Variants in FRMD5 observed in about 807,000 individuals in gnomAD.
FRMD5 encodes the protein FERM domain containing 5.
In FRMD5, 20 loss-of-function variants were observed where a neutral mutation model predicts 69.0. The ratio of observed to expected loss-of-function variants is 0.29; its 90% CI spans 0.20 to 0.42. The LOEUF (loss-of-function observed/expected upper bound fraction) is 0.42. Among genes scored for constraint, FRMD5 ranks in the 10% least tolerant of loss-of-function variants. The pLI is 1.00. For missense variants in FRMD5, 595 were observed against 708.6 expected, an observed-to-expected ratio of 0.84 and a Z score of 1.82; for synonymous variants, 271 against 260.1, an observed-to-expected ratio of 1.04 and a Z score of -0.40.
At chr15:44,194,790 G>A (rs1188271489) in intron 1 of FRMD5, 163 bp downstream of exon 1, 2 of 713,254 alleles carry the variant, frequency 2.8e-6, no homozygotes, top group South Asian at 3.0e-5. Flanking sequence ...CAGGGGCTCC[G>A]GTGAAGACGC....
intron 1 of FRMD5, among the ~76,000 whole-genome samples, chr15:44,003,238 C>G (rs1375013314): frequency 2.6e-5 from 4 of 152,226 alleles, no homozygotes. Context: ...ACCTCCACCA[C>G]TATCAATCAC....
At chr15:44,027,660 T>G (rs1891494622) in intron 1 of FRMD5, among the ~76,000 whole-genome samples, 1 of 120,036 alleles carries the variant, frequency 8.3e-6, no homozygotes, top group Non-Finnish European at 1.8e-5. Context: ...TGTTTTTTTT[T>G]TTTTTTCCGA....
chr15:44,081,232 CTAGT>C (rs1168565313), intron 1 of FRMD5, among the ~76,000 whole-genome samples: 1 of 152,064 alleles, frequency 6.6e-6, no homozygotes, highest in East Asian at 1.9e-4. Flanking sequence ...CCTTGATGCC[CTAGT>C]TAATTAAGTT....
At chr15:44,036,782 G>A (rs947066152) in intron 1 of FRMD5, among the ~76,000 whole-genome samples, 5 of 151,778 alleles carry the variant, frequency 3.3e-5, no homozygotes, top group South Asian at 4.2e-4. Context: ...TTTGTGCATC[G>A]GCCTTCAGTA....
At position 44,129,825 on chromosome 15, in the gene FRMD5, T is replaced by C. The variant is rs367943654; in HGVS notation, c.102+65128A>G. Among the ~76,000 whole-genome samples, 131 of 152,290 alleles carry C rather than the reference T, an allele frequency of 8.6e-4. 1 individual carries two copies. The highest frequency in any genetic ancestry group is 3.0e-3 in the African/African-American group (125 of 41,552). ...CCAACAGAAAAGTCATTCTAGATGC[T>C]TTCACTTGCAGCAGTTCCTCAGGTT... On this transcript the variant is annotated intron_variant, in intron 1 of 13. Transcript: ENST00000417257.
At chr15:44,122,949 A>G (rs1174747911) in intron 1 of FRMD5, among the ~76,000 whole-genome samples, 2 of 152,160 alleles carry the variant, frequency 1.3e-5, no homozygotes, top group South Asian at 2.1e-4. Flanking sequence ...TTCAATACCA[A>G]TTAAAAGCCT....
rs926539071 is a variant in FRMD5, at chr15:43,870,851, A to G, written c.*3034T>C. 2.0e-5 allele frequency: 3 copies of G among 152,248 alleles called. No individual in the cohort carries two copies. The highest frequency in any genetic ancestry group is 4.4e-5 in the Non-Finnish European group (3 of 68,046). The allele number at this position is 152,248 out of a possible 1,614,324, so 9.4% of individuals were successfully genotyped here. ...ACTACATACTGCATATGTAGAAAAA[A>G]GTACATTGCTTTGAAGGAAAATGTA... is the stretch of plus-strand genomic sequence containing the variant. On this transcript the variant is annotated 3_prime_UTR_variant, in exon 14 of 14. Transcript: ENST00000417257.
intron 1 of FRMD5, among the ~76,000 whole-genome samples, chr15:43,945,234 T>C (rs542407388): frequency 1.2e-4 from 19 of 152,350 alleles, no homozygotes; most frequent in African/African-American, 4.6e-4. Flanking sequence ...TCCAGTGGCA[T>C]TAGGTGGTTG....
intron 1 of FRMD5, among the ~76,000 whole-genome samples, chr15:44,112,535 C>T (rs2076812106): frequency 1.3e-5 from 2 of 150,866 alleles, no homozygotes; most frequent in South Asian, 2.1e-4. Context: ...GGCACCATCT[C>T]GGCTCACTGC....
chr15:44,087,778 TCA>T (rs1894264533), intron 1 of FRMD5, among the ~76,000 whole-genome samples: 24 of 149,608 alleles, frequency 1.6e-4, no homozygotes, highest in South Asian at 4.2e-4. Flanking sequence ...ATCATCATCA[TCA>T]TCATCATCCC....
intron 1 of FRMD5, among the ~76,000 whole-genome samples, chr15:43,978,566 T>C (rs1227484266): frequency 6.6e-6 from 1 of 152,204 alleles, no homozygotes; most frequent in Non-Finnish European, 1.5e-5. Context: ...TGAGTCTCCA[T>C]GTGTTTTTGT....
chr15:43,989,787 C>T lies in FRMD5; in HGVS notation c.103-65478G>A, dbSNP rs377092609. 93 of 1,044,174 alleles carry T rather than the reference C, an allele frequency of 8.9e-5. 3 individuals carry two copies. The highest frequency in any genetic ancestry group is 4.4e-4 in the East Asian group (17 of 38,820). The allele number at this position is 1,044,174 out of a possible 1,614,324, so 64.7% of individuals were successfully genotyped here. A position where few individuals can be genotyped will look rare whatever the true frequency, so the allele number is the denominator to read the frequency against. On this transcript the variant is annotated intron_variant, in intron 1 of 13. Coordinates refer to ENST00000417257, the MANE Select transcript of FRMD5 (RefSeq NM_032892.5). ...ACAGCACGGCCTGGATGGCCACGTA[C>T]ATGGCTGGCCTGTCGAAGATCTCCA...
At chr15:44,157,679 A>G (rs2077549725) in intron 1 of FRMD5, among the ~76,000 whole-genome samples, 1 of 152,172 alleles carries the variant, frequency 6.6e-6, no homozygotes, top group South Asian at 2.1e-4. Flanking sequence ...ATGCAAATGT[A>G]CAATCTGATT....
At chr15:44,033,461 T>A (rs908502972) in intron 1 of FRMD5, among the ~76,000 whole-genome samples, 1 of 152,184 alleles carries the variant, frequency 6.6e-6, no homozygotes, top group African/African-American at 2.4e-5. Flanking sequence ...TTTCAATAAA[T>A]ATCCCAAATA....
intron 1 of FRMD5, among the ~76,000 whole-genome samples, chr15:43,947,887 G>A (rs891936264): frequency 2.0e-5 from 3 of 152,280 alleles, no homozygotes; most frequent in Middle Eastern, 3.4e-3. Context: ...AAAAGCTAAC[G>A]AGTAGCCAAG....
chr15:44,119,697 A>T (rs1165945110), intron 1 of FRMD5, among the ~76,000 whole-genome samples: 1 of 151,014 alleles, frequency 6.6e-6, no homozygotes, highest in Non-Finnish European at 1.5e-5. Flanking sequence ...GGCACATGAT[A>T]GAAAAGCTGA....
intron 1 of FRMD5, among the ~76,000 whole-genome samples, chr15:43,960,381 C>T (rs541532727): frequency 1.3e-5 from 2 of 152,240 alleles, no homozygotes; most frequent in Admixed American, 6.5e-5. Flanking sequence ...TCCCGAGTAG[C>T]TGGGACTACA....
At chr15:44,005,905 C>T (rs1465626153) in intron 1 of FRMD5, among the ~76,000 whole-genome samples, 1 of 152,100 alleles carries the variant, frequency 6.6e-6, no homozygotes, top group African/African-American at 2.4e-5. Context: ...CATAAAAGTG[C>T]AAGATGAAGT....
chr15:44,037,233 C>T (rs973946611), intron 1 of FRMD5, among the ~76,000 whole-genome samples: 34 of 151,910 alleles, frequency 2.2e-4, no homozygotes, highest in Admixed American at 1.8e-3. Flanking sequence ...TGAGAACATA[C>T]GGTGTTTGGT....
Sources: allele counts gnomAD v4.1 joint callset (sites outside exome capture counted in the v4.1 genomes callset), GRCh38; gene constraint gnomAD v4.1.1; transcripts MANE v1.5; gene names NCBI Gene and HGNC (gene_info 2026-07-23, HGNC 2026-07-21).